The following CNTN6 variants were observed in gnomAD, a reference collection of about 807,000 sequenced individuals.
The protein encoded by CNTN6 is contactin-6.
Under a neutral mutation model 122.8 loss-of-function variants are expected in CNTN6, and 137 were observed. The ratio of observed to expected loss-of-function variants is 1.12; its 90% CI spans 0.97 to 1.29. CNTN6 has a LOEUF of 1.29. Among genes scored for constraint, CNTN6 ranks in the 50% most tolerant of loss-of-function variants. The pLI is 0.00. For synonymous variants in CNTN6, 570 were observed against 426.0 expected (o/e 1.34, Z -4.16); for missense variants, 1,634 against 1,223.4 (o/e 1.34, Z -5.01).
chr3:1,130,549 C>T (rs938472692), intron 1 of CNTN6, among the ~76,000 whole-genome samples: 4 of 152,070 alleles, frequency 2.6e-5, no homozygotes, highest in African/African-American at 9.7e-5. Flanking sequence ...TTCCAGTGGT[C>T]CCCAGAGGAA....
chr3:1,359,989 C>A (rs537378580), intron 12 of CNTN6, among the ~76,000 whole-genome samples: 1 of 152,148 alleles, frequency 6.6e-6, no homozygotes, highest in African/African-American at 2.4e-5. Flanking sequence ...TGTGTGTTGA[C>A]GCTCCATTGC....
At position 1,175,812 on chromosome 3, in the gene CNTN6, G is replaced by T. The variant is rs151252975; in HGVS notation, c.55+27749G>T. Among the ~76,000 whole-genome samples, 16 of 146,812 alleles carry T rather than the reference G, an allele frequency of 1.1e-4. No individual in the cohort carries two copies. In the East Asian group the frequency reaches 3.1e-3, roughly 28 times the overall value. On this transcript the variant is annotated intron_variant, in intron 2 of 22. Transcript: ENST00000446702. ...ATGCGGGACTCTTGCTGTAGCAACA[G>T]AACTATTTGAATAGATTTAGGATGT... is the stretch of plus-strand genomic sequence containing the variant.
chr3:1,389,441 C>A (rs935109133), intron 20 of CNTN6, among the ~76,000 whole-genome samples: 7 of 151,962 alleles, frequency 4.6e-5, no homozygotes, highest in Non-Finnish European at 7.4e-5. Context: ...ACAACCGGTA[C>A]CAGCCGCTGC....
chr3:1,098,789 C>CATATATATAT (rs1169127167), intron 1 of CNTN6, among the ~76,000 whole-genome samples: 1,003 of 63,066 alleles, frequency 0.016, 24 homozygotes, highest in South Asian at 0.034. Context: ...CACACACACA[C>CATATATATAT]ATATATATAT....
chr3:1,145,855 T>G (rs947948126), intron 1 of CNTN6, among the ~76,000 whole-genome samples: 4 of 152,182 alleles, frequency 2.6e-5, no homozygotes, highest in Non-Finnish European at 4.4e-5. Flanking sequence ...CCAAAGACTT[T>G]GGATGTTTGT....
At chr3:1,326,413 A>G (rs2125988355) in intron 9 of CNTN6, among the ~76,000 whole-genome samples, 1 of 152,004 alleles carries the variant, frequency 6.6e-6, no homozygotes, top group South Asian at 2.1e-4. Context: ...TTAAGGTCAC[A>G]CAGCAGCTAG....
chr3:1,394,300 C>T, intron 20 of CNTN6: 1 of 191,982 alleles, frequency 5.2e-6, no homozygotes, highest in South Asian at 7.8e-5. Flanking sequence ...GTGACGGCCC[C>T]CCGAAACAGG....
chr3:1,124,589 T>C (rs1201920683), intron 1 of CNTN6, among the ~76,000 whole-genome samples: 7 of 151,880 alleles, frequency 4.6e-5, no homozygotes, highest in African/African-American at 1.7e-4. Flanking sequence ...TTGGGTATAG[T>C]GTACACTGGT....
intron 1 of CNTN6, among the ~76,000 whole-genome samples, chr3:1,130,905 A>G (rs552567002): frequency 6.6e-6 from 1 of 152,170 alleles, no homozygotes; most frequent in Non-Finnish European, 1.5e-5. Flanking sequence ...CATCATTTAT[A>G]AATTAAGATG....
At chr3:1,339,063 T>G (rs1703511496) in intron 11 of CNTN6, among the ~76,000 whole-genome samples, 1 of 151,614 alleles carries the variant, frequency 6.6e-6, no homozygotes, top group Admixed American at 6.6e-5. Context: ...GTCAGAGCAC[T>G]CTTTTTTTTT....
chr3:1,112,770 A>G (rs1646369131), intron 1 of CNTN6, among the ~76,000 whole-genome samples: 1 of 152,080 alleles, frequency 6.6e-6, no homozygotes, highest in African/African-American at 2.4e-5. Flanking sequence ...CACAGACACA[A>G]CGTGCATACT....
chr3:1,137,445 A>G (rs1559379606), intron 1 of CNTN6, among the ~76,000 whole-genome samples: 2 of 152,206 alleles, frequency 1.3e-5, no homozygotes, highest in African/African-American at 2.4e-5. Context: ...CTACCAGTTG[A>G]TGACCCCTGG....
intron 2 of CNTN6, among the ~76,000 whole-genome samples, chr3:1,153,809 A>ATC (rs2092901797): frequency 6.6e-6 from 1 of 152,230 alleles, no homozygotes; most frequent in African/African-American, 2.4e-5. Context: ...ACAACGATGT[A>ATC]TCACACAGCA....
At chr3:1,229,162 G>A (rs995785353) in intron 4 of CNTN6, among the ~76,000 whole-genome samples, 1 of 152,180 alleles carries the variant, frequency 6.6e-6, no homozygotes, top group Non-Finnish European at 1.5e-5. Flanking sequence ...TAGAAGGTGG[G>A]AAAGGGCCAG....
At chr3:1,383,958 G>A (rs1308376265) in intron 19 of CNTN6, among the ~76,000 whole-genome samples, 4 of 152,204 alleles carry the variant, frequency 2.6e-5, no homozygotes. Context: ...TTATGGAGAG[G>A]TGCTTTAGCC....
At chr3:1,246,928 G>T (rs1002844590) in intron 4 of CNTN6, among the ~76,000 whole-genome samples, 13 of 152,168 alleles carry the variant, frequency 8.5e-5, no homozygotes, top group African/African-American at 3.1e-4. Context: ...GCACAATGTT[G>T]CTTTTTTGTG....
At chr3:1,272,601 C>T (rs897175629) in intron 4 of CNTN6, among the ~76,000 whole-genome samples, 6 of 152,086 alleles carry the variant, frequency 3.9e-5, no homozygotes, top group African/African-American at 1.4e-4. Context: ...TGTAAGCATG[C>T]CCATTTTTCT....
At position 1,245,762 on chromosome 3, in the gene CNTN6, A is replaced by G. The variant is rs1361187534; in HGVS notation, c.358+17769A>G. ...CCAAAAACAAACAAATAAACAGCAA[A>G]TACAAATAATAAAGAGTTTTGATGG... On this transcript the variant is annotated intron_variant, in intron 4 of 22. Transcript: ENST00000446702. 3.3e-5 allele frequency among the ~76,000 whole-genome samples: 5 copies of G among 152,134 alleles called. No individual in the cohort carries two copies. The East Asian group carries it at 9.6e-4, about 29-fold the overall frequency.
At chr3:1,153,238 T>C (rs1377531657) in intron 2 of CNTN6, among the ~76,000 whole-genome samples, 1 of 152,150 alleles carries the variant, frequency 6.6e-6, no homozygotes, top group Non-Finnish European at 1.5e-5. Flanking sequence ...TTCAAGAAAG[T>C]CAACATAGAG....
Sources: gnomAD v4.1 joint callset for allele counts (sites outside exome capture counted in the v4.1 genomes callset) on GRCh38, gnomAD v4.1.1 for gene constraint, MANE v1.5 for transcripts, NCBI Gene and HGNC (gene_info 2026-07-23, HGNC 2026-07-21) for gene names.